Variants in CLSTN2 observed in about 807,000 individuals in gnomAD.
CLSTN2 encodes calsyntenin 2.
CLSTN2 carries 48 observed loss-of-function variants against 101.2 expected under a neutral mutation model. That is an observed-to-expected ratio of 0.47 (90% CI 0.38 to 0.60). The LOEUF (loss-of-function observed/expected upper bound fraction) is 0.60, where lower values mean the gene tolerates loss of function less well. CLSTN2 is among the 20% of genes least tolerant of loss of function. The pLI is 0.00. For synonymous variants in CLSTN2, 481 were observed against 463.6 expected (o/e 1.04, Z -0.48); for missense variants, 1,160 against 1,238.2 (o/e 0.94, Z 0.95).
chr3:140,367,462 G>A (rs573484817), intron 2 of CLSTN2, among the ~76,000 whole-genome samples: 4 of 140,990 alleles, frequency 2.8e-5, no homozygotes, highest in Admixed American at 7.5e-5. Flanking sequence ...GCAGTGAGCC[G>A]AGATTGTACC....
chr3:140,169,826 A>T (rs1028305333), intron 1 of CLSTN2, among the ~76,000 whole-genome samples: 2 of 152,146 alleles, frequency 1.3e-5, no homozygotes, highest in African/African-American at 4.8e-5. Flanking sequence ...GCTACCCAGG[A>T]TCATGAGATG....
chr3:140,533,733 GAAT>G (rs1935307397), intron 9 of CLSTN2, among the ~76,000 whole-genome samples: 1 of 122,298 alleles, frequency 8.2e-6, no homozygotes, highest in Non-Finnish European at 1.7e-5. Context: ...AAAAAAAAAA[GAAT>G]ATGCCTTCAG....
chr3:140,326,819 G>A (rs895815137), intron 2 of CLSTN2, among the ~76,000 whole-genome samples: 2 of 152,074 alleles, frequency 1.3e-5, no homozygotes, highest in African/African-American at 4.8e-5. Flanking sequence ...GTGTAATTCG[G>A]TGTGACATTT....
At position 140,558,852 on chromosome 3, in the gene CLSTN2, C is replaced by A; in HGVS notation, c.2036C>A (p.Thr679Asn). 1 of 1,613,536 alleles carries A rather than the reference C, an allele frequency of 6.2e-7. No homozygotes were observed. Among genetic ancestry groups the A allele is most frequent in the Non-Finnish European group, 8.5e-7 (1 of 1,179,902 alleles). ...ACCGAAGCCCCCGGGGACGTGAAAA[C>A]CACAGGTACAGGTGCATTTGAGTTT... Reference protein sequence around the residue: ...AKTEAPGDVKTTDPKSEVLEE... With the variant: ...AKTEAPGDVKNTDPKSEVLEE... The change falls in exon 12 of 17, where the codon ACC becomes AAC. Residue 679 changes from threonine to asparagine, a missense_variant. Transcript: ENST00000458420.
At chr3:139,983,059 A>G (rs1458312541) in intron 1 of CLSTN2, among the ~76,000 whole-genome samples, 1 of 151,840 alleles carries the variant, frequency 6.6e-6, no homozygotes, top group Non-Finnish European at 1.5e-5. Context: ...CTGATATTTT[A>G]GAAACAAAAG....
chr3:140,020,840 A>G (rs1476871578), intron 1 of CLSTN2, among the ~76,000 whole-genome samples: 1 of 152,216 alleles, frequency 6.6e-6, no homozygotes, highest in Non-Finnish European at 1.5e-5. Context: ...GTGCTGATCA[A>G]TCATTGCACG....
Position 140,566,411 on chromosome 3 carries a change from T to C in CLSTN2, c.*158T>C. 3 of 696,852 alleles carry C rather than the reference T, an allele frequency of 4.3e-6. No individual in the cohort carries two copies. In the South Asian group the frequency reaches 5.6e-5, roughly 13 times the overall value. 43.2% of individuals were successfully genotyped at this position (696,852 alleles called of 1,614,324 possible). A position where few individuals can be genotyped will look rare whatever the true frequency, so the allele number is the denominator to read the frequency against. ...CACCCTTTAAGCCTTGGGCACTCCC[T>C]GTGTTTCATCCATGGGGAAGTTCCA... On this transcript the variant is annotated 3_prime_UTR_variant, in exon 17 of 17. Transcript: ENST00000458420.
intron 1 of CLSTN2, among the ~76,000 whole-genome samples, chr3:140,135,952 T>C (rs2107806649): frequency 6.6e-6 from 1 of 152,310 alleles, no homozygotes; most frequent in Non-Finnish European, 1.5e-5. Flanking sequence ...TCTTGGAGCA[T>C]TAATATGAGT....
intron 2 of CLSTN2, among the ~76,000 whole-genome samples, chr3:140,299,682 G>A (rs763837467): frequency 2.0e-5 from 3 of 152,248 alleles, no homozygotes; most frequent in South Asian, 4.2e-4. Context: ...CATCATGAAG[G>A]ATGCTGCTTG....
At chr3:140,030,119 C>A (rs976926533) in intron 1 of CLSTN2, among the ~76,000 whole-genome samples, 1 of 152,016 alleles carries the variant, frequency 6.6e-6, no homozygotes, top group African/African-American at 2.4e-5. Flanking sequence ...AGCAACAGAC[C>A]GAGGGGACAG....
intron 1 of CLSTN2, among the ~76,000 whole-genome samples, chr3:140,058,964 A>T (rs2008148361): frequency 6.6e-6 from 1 of 152,206 alleles, no homozygotes; most frequent in African/African-American, 2.4e-5. Flanking sequence ...GCCATGGAGG[A>T]TAAGAAGCTA....
intron 8 of CLSTN2, among the ~76,000 whole-genome samples, chr3:140,531,633 C>T (rs984769097): frequency 6.6e-6 from 1 of 152,192 alleles, no homozygotes; most frequent in African/African-American, 2.4e-5. Context: ...AGGGATAGGA[C>T]CGGGGGTGGC....
At chr3:140,101,590 A>C (rs2008967201) in intron 1 of CLSTN2, among the ~76,000 whole-genome samples, 1 of 152,210 alleles carries the variant, frequency 6.6e-6, no homozygotes. Context: ...TATACTAGTC[A>C]GAATAGCCCA....
chr3:140,402,870 C>T (rs2088258916), intron 2 of CLSTN2, among the ~76,000 whole-genome samples: 1 of 152,156 alleles, frequency 6.6e-6, no homozygotes, highest in Admixed American at 6.5e-5. Flanking sequence ...GGGCTCTTGG[C>T]CTCTGTTTTG....
chr3:140,547,708 C>T (rs764192598), intron 10 of CLSTN2, among the ~76,000 whole-genome samples: 21 of 152,160 alleles, frequency 1.4e-4, no homozygotes, highest in Non-Finnish European at 2.5e-4. Flanking sequence ...ACTTTCTAAC[C>T]TCACCTGGAC....
At chr3:140,410,108 A>G (rs1040998471) in intron 4 of CLSTN2, among the ~76,000 whole-genome samples, 2 of 152,102 alleles carry the variant, frequency 1.3e-5, no homozygotes, top group African/African-American at 4.8e-5. Flanking sequence ...TATGGCTAAG[A>G]AAGAGGTAGA....
At chr3:140,555,959 G>A (rs1451648352) in intron 10 of CLSTN2, among the ~76,000 whole-genome samples, 2 of 152,192 alleles carry the variant, frequency 1.3e-5, no homozygotes, top group African/African-American at 2.4e-5. Flanking sequence ...TACAACTCAT[G>A]GGAAACCAGA....
chr3:140,285,877 A>G (rs1045618054), intron 2 of CLSTN2, among the ~76,000 whole-genome samples: 2 of 152,172 alleles, frequency 1.3e-5, no homozygotes, highest in African/African-American at 4.8e-5. Flanking sequence ...ATACTGGACA[A>G]ACGGTTACAA....
At chr3:140,291,297 C>A (rs2086950043) in intron 2 of CLSTN2, among the ~76,000 whole-genome samples, 1 of 152,048 alleles carries the variant, frequency 6.6e-6, no homozygotes, top group African/African-American at 2.4e-5. Context: ...CTCTCTCTCC[C>A]CTCCAGGCTG....
Sources: gnomAD v4.1 joint callset for allele counts (sites outside exome capture counted in the v4.1 genomes callset) on GRCh38, gnomAD v4.1.1 for gene constraint, MANE v1.5 for transcripts, NCBI Gene and HGNC (gene_info 2026-07-23, HGNC 2026-07-21) for gene names.